The following EFCAB8 variants were observed in gnomAD, a reference collection of about 807,000 sequenced individuals.
EFCAB8 encodes EF-hand calcium-binding domain-containing protein 8.
In EFCAB8, 100 loss-of-function variants were observed where a neutral mutation model predicts 116.3. The ratio of observed to expected loss-of-function variants is 0.86; its 90% CI spans 0.73 to 1.02. The LOEUF (loss-of-function observed/expected upper bound fraction) is 1.02. EFCAB8 is among the 50% of genes least tolerant of loss of function. The probability of loss-of-function intolerance (pLI) is 0.00; values close to 1 mark genes in which losing one functional copy is unlikely to be tolerated. For synonymous variants in EFCAB8, 558 were observed against 567.9 expected, an observed-to-expected ratio of 0.98 and a Z score of 0.25; for missense variants, 1,320 against 1,416.9, an observed-to-expected ratio of 0.93 and a Z score of 1.10.
At chr20:32,934,440 T>C (rs947593603) in intron 22 of EFCAB8, among the ~76,000 whole-genome samples, 4 of 152,204 alleles carry the variant, frequency 2.6e-5, no homozygotes, top group Admixed American at 2.0e-4. Context: ...CTTTGACATA[T>C]TGATATGACA....
intron 1 of EFCAB8, among the ~76,000 whole-genome samples, chr20:32,859,949 G>A (rs1984019055): frequency 6.6e-6 from 1 of 152,114 alleles, no homozygotes; most frequent in Admixed American, 6.5e-5. Flanking sequence ...GCCTTTAGTT[G>A]TTGGGTCTCT....
At chr20:32,897,852 A>G (rs1568916945) in intron 10 of EFCAB8, among the ~76,000 whole-genome samples, 1 of 152,104 alleles carries the variant, frequency 6.6e-6, no homozygotes. Flanking sequence ...TGCATGTAGA[A>G]AGCACCAAAG....
At chr20:32,901,877 G>A (rs1209478407) in intron 11 of EFCAB8, among the ~76,000 whole-genome samples, 3 of 152,124 alleles carry the variant, frequency 2.0e-5, no homozygotes, top group Non-Finnish European at 2.9e-5. Flanking sequence ...TAGTAGAGAC[G>A]GGGTTTCACC....
At chr20:32,899,358 T>G (rs988658066) in intron 11 of EFCAB8, among the ~76,000 whole-genome samples, 1 of 149,710 alleles carries the variant, frequency 6.7e-6, no homozygotes, top group African/African-American at 2.5e-5. Flanking sequence ...TGAGCCGAGA[T>G]TGCGCCACTG....
intron 14 of EFCAB8, 37 bp from the exon 15 acceptor site, chr20:32,909,784 T>C: frequency 1.8e-6 from 2 of 1,136,726 alleles, no homozygotes; most frequent in Non-Finnish European, 2.3e-6. Flanking sequence ...AGAGCCCTTC[T>C]GACAGACAAG....
chr20:32,908,277 T>C lies in EFCAB8; in HGVS notation c.1311T>C (p.Asn437=). 1 of 1,249,852 alleles carries C rather than the reference T, an allele frequency of 8.0e-7. No individual in the cohort carries two copies. Among genetic ancestry groups the C allele is most frequent in the Non-Finnish European group, 1.0e-6 (1 of 988,236 alleles). The allele number at this position is 1,249,852 out of a possible 1,614,324, so 77.4% of individuals were successfully genotyped here. Residue 437 remains asparagine, a splice_region_variant and synonymous_variant, in exon 14 of 27, where the codon AAT becomes AAC. Transcript: ENST00000400522. The stretch of plus-strand genomic sequence containing the variant: ...CTTGCCTTTTTCCCATCCCCCAGAA[T>C]ATTCGCGTGTGGGACATGCTGGACT... The part of the protein sequence containing the change: ...SILISVSKDK[N]IRVWDMLDYI...
rs1986060192 is a variant in EFCAB8 at position 32,894,383 on chromosome 20, C to T, written c.883+1085C>T. The stretch of plus-strand genomic sequence containing the variant: ...CTGGCACCCTGCTTGCCTCATTGGC[C>T]TCGGGTGCCTGCCCTGCCCTGAGCT... On this transcript the variant is annotated intron_variant, in intron 9 of 26. Coordinates refer to ENST00000400522, the MANE Select transcript of EFCAB8 (RefSeq NM_001143967.2). Among the ~76,000 whole-genome samples the T allele has an allele frequency of 3.3e-5, 5 of 152,216 alleles. No homozygotes were observed. The South Asian group carries it at 1.0e-3, about 32-fold the overall frequency.
In EFCAB8 at chr20:32,930,540, A is replaced by AT; in HGVS notation, c.2556dup (p.Val853CysfsTer9). The AT allele has an allele frequency of 6.4e-7, 1 of 1,552,254 alleles. No homozygotes were observed. The highest frequency in any genetic ancestry group is 8.7e-7 in the Non-Finnish European group (1 of 1,147,108). ...TTCCCTGTGGACCTAGACAATGGGG[A>AT]TGTTGTCGTGGGTGCCATGGCCACT... On this transcript the variant is annotated frameshift_variant, in exon 21 of 27. Coordinates refer to ENST00000400522, the MANE Select transcript of EFCAB8 (RefSeq NM_001143967.2). LOFTEE classifies it high-confidence loss of function.
chr20:32,944,952 G>T (rs889987947), intron 23 of EFCAB8, among the ~76,000 whole-genome samples: 1 of 151,222 alleles, frequency 6.6e-6, no homozygotes, highest in African/African-American at 2.4e-5. Context: ...CTACCATAAT[G>T]CATATATTGT....
intron 20 of EFCAB8, 108 bp from the exon 21 acceptor site, chr20:32,930,290 T>TCCC (rs1987844592): frequency 4.5e-6 from 4 of 879,796 alleles, no homozygotes; most frequent in Non-Finnish European, 5.1e-6. Flanking sequence ...TCACTGGGCA[T>TCCC]CTAGGAAACT....
intron 20 of EFCAB8, among the ~76,000 whole-genome samples, chr20:32,925,428 A>G (rs967222854): frequency 6.6e-5 from 10 of 152,192 alleles, no homozygotes; most frequent in Admixed American, 6.5e-4. Context: ...CATGTTGTCC[A>G]GGCTGGTCTT....
At chr20:32,898,082 G>A (rs929395060) in intron 10 of EFCAB8, among the ~76,000 whole-genome samples, 18 of 152,160 alleles carry the variant, frequency 1.2e-4, no homozygotes, top group African/African-American at 4.3e-4. Context: ...AGCACTCCAC[G>A]CTATGACAAA....
In EFCAB8 at chr20:32,908,307, A is replaced by G; in HGVS notation, c.1341A>G (p.Ile447Met). The G allele has an allele frequency of 8.0e-7, 1 of 1,249,746 alleles. No individual in the cohort carries two copies. Among genetic ancestry groups the G allele is most frequent in the Non-Finnish European group, 1.0e-6 (1 of 988,256 alleles). The allele number at this position is 1,249,746 out of a possible 1,614,324, so 77.4% of individuals were successfully genotyped here. A position where few individuals can be genotyped will look rare whatever the true frequency, so the allele number is the denominator to read the frequency against. The part of the protein sequence containing the change: ...NIRVWDMLDY[I>M]CLQSFCGKFF... ...GCGTGTGGGACATGCTGGACTACAT[A>G]TGCCTCCAGTCCTTCTGTGGGAAGT... Residue 447 changes from isoleucine to methionine, a missense_variant, in exon 14 of 27, where the codon ATA becomes ATG. By Grantham distance (10) the Ile-to-Met change is conservative. Transcript: ENST00000400522.
chr20:32,865,253 C>T (rs541878683), intron 2 of EFCAB8, among the ~76,000 whole-genome samples: 20 of 152,120 alleles, frequency 1.3e-4, no homozygotes, highest in Non-Finnish European at 1.5e-4. Context: ...TCCATTTGAG[C>T]GAGAGTCTGA....
intron 2 of EFCAB8, among the ~76,000 whole-genome samples, chr20:32,867,215 C>T (rs927104776): frequency 1.3e-5 from 2 of 152,088 alleles, no homozygotes; most frequent in East Asian, 1.9e-4. Context: ...CCACCATGCC[C>T]AGCCCCCTGG....
At chr20:32,868,597 A>C (rs1385385391) in intron 3 of EFCAB8, among the ~76,000 whole-genome samples, 2 of 152,212 alleles carry the variant, frequency 1.3e-5, no homozygotes, top group Non-Finnish European at 2.9e-5. Context: ...GGCTTAAACC[A>C]ATGCACGTTT....
intron 3 of EFCAB8, among the ~76,000 whole-genome samples, chr20:32,868,178 C>G (rs1283308650): frequency 1.3e-5 from 2 of 152,082 alleles, no homozygotes. Flanking sequence ...CCTGCCTTGG[C>G]CCCCGGAGTA....
intron 23 of EFCAB8, among the ~76,000 whole-genome samples, chr20:32,949,892 C>T (rs374794931): frequency 6.6e-5 from 10 of 152,246 alleles, no homozygotes; most frequent in East Asian, 3.9e-4. Flanking sequence ...CCCAGCTACT[C>T]GGGAGGCTGA....
intron 23 of EFCAB8, among the ~76,000 whole-genome samples, chr20:32,951,190 C>T (rs768800938): frequency 3.0e-4 from 45 of 152,204 alleles, no homozygotes; most frequent in South Asian, 4.1e-4. Context: ...AGCTGTTCCA[C>T]TTCTATGAAA....
Sources: allele counts gnomAD v4.1 joint callset (sites outside exome capture counted in the v4.1 genomes callset), GRCh38; gene constraint gnomAD v4.1.1; transcripts MANE v1.5; gene names NCBI Gene and HGNC (gene_info 2026-07-23, HGNC 2026-07-21).